The following PIGB variants were observed in gnomAD, a reference collection of about 807,000 sequenced individuals.
PIGB encodes the protein GPI alpha-1,2-mannosyltransferase 3.
Under a neutral mutation model 68.4 loss-of-function variants are expected in PIGB, and 58 were observed. The observed-to-expected ratio is 0.85, with a 90% CI of 0.69 to 1.06. The LOEUF (loss-of-function observed/expected upper bound fraction) is 1.06. PIGB is among the 50% of genes least tolerant of loss of function. PIGB has a pLI of 0.00. For missense variants in PIGB, 634 were observed against 655.8 expected (o/e 0.97, Z 0.36); for synonymous variants, 219 against 220.5 (o/e 0.99, Z 0.06).
intron 3 of PIGB, among the ~76,000 whole-genome samples, chr15:55,325,782 G>A (rs1301767870): frequency 6.6e-6 from 1 of 152,072 alleles, no homozygotes; most frequent in African/African-American, 2.4e-5. Flanking sequence ...CAGGCGTGGT[G>A]GCATGCATCT....
chr15:55,349,882 A>C (rs1159911398), intron 9 of PIGB: 1 of 152,228 alleles, frequency 6.6e-6, no homozygotes, highest in Non-Finnish European at 1.5e-5. Flanking sequence ...TCCAGTGGAA[A>C]GGCCTGTTCT....
intron 9 of PIGB, among the ~76,000 whole-genome samples, chr15:55,344,833 C>T (rs2055752213): frequency 6.6e-6 from 1 of 151,434 alleles, no homozygotes; most frequent in African/African-American, 2.4e-5. Flanking sequence ...GTTTTTACCA[C>T]AGTGGCTAAT....
chr15:55,355,265 T>TAAAC, intron 11 of PIGB, 21 bp from the exon 12 acceptor site: 1 of 1,583,586 alleles, frequency 6.3e-7, no homozygotes. Context: ...TTTATTTACT[T>TAAAC]AAACATTTAT....
At chr15:55,325,258 G>A (rs2055254583) in intron 3 of PIGB, among the ~76,000 whole-genome samples, 1 of 151,848 alleles carries the variant, frequency 6.6e-6, no homozygotes, top group Non-Finnish European at 1.5e-5. Context: ...CTTGGGAGGT[G>A]GAGGTTGCCA....
chr15:55,349,172 C>T lies in PIGB; in HGVS notation c.1124-1527C>T, dbSNP rs950808809. Among the ~76,000 whole-genome samples the T allele has an allele frequency of 1.3e-4, 19 of 149,286 alleles. 1 individual carries two copies. Among genetic ancestry groups the T allele is most frequent in the Admixed American group, 8.1e-4 (12 of 14,892 alleles). ...TACTGGGATTACAGGTGTGAGCTAC[C>T]GCACCTGGCCCTATTTTATTCATTT... is the stretch of plus-strand genomic sequence containing the variant. On this transcript the variant is annotated intron_variant, in intron 9 of 11. Transcript: ENST00000164305.
intron 6 of PIGB, among the ~76,000 whole-genome samples, chr15:55,337,066 T>C (rs1160866742): frequency 6.6e-6 from 1 of 152,162 alleles, no homozygotes; most frequent in Non-Finnish European, 1.5e-5. Context: ...ATAGAAAAAT[T>C]ATTGAAAAGG....
At position 55,333,973 on chromosome 15, in the gene PIGB, C is replaced by T. The variant is rs373271646; in HGVS notation, c.760C>T (p.Leu254Phe). The T allele has an allele frequency of 3.7e-6, 6 of 1,606,392 alleles. No individual in the cohort carries two copies. ...FRHFCQEPRK[L>F]DLILHHFLPV... ...ACATTTCTGTCAAGAACCAAGAAAG[C>T]TTGATCTTATTCTACATCATTTTTT... The change falls in exon 6 of 12, where the codon CTT becomes TTT. Residue 254 changes from leucine (L) to phenylalanine (F), a missense_variant. Physicochemically the swap from Leu to Phe is conservative, Grantham distance 22 (BLOSUM62 0). Transcript: ENST00000164305.
At chr15:55,351,248 C>T (rs2055915700) in intron 10 of PIGB, among the ~76,000 whole-genome samples, 1 of 151,646 alleles carries the variant, frequency 6.6e-6, no homozygotes, top group Non-Finnish European at 1.5e-5. Context: ...GCTGGGACCA[C>T]AGGTGCCTGC....
chr15:55,340,185 G>C (rs1234248079), intron 7 of PIGB: 1 of 152,834 alleles, frequency 6.5e-6, no homozygotes, highest in Non-Finnish European at 1.5e-5. Flanking sequence ...GGCCAGGCAT[G>C]GTGGCTCACA....
rs546620121 is a variant in PIGB, at chr15:55,319,607, A to C, written c.163+194A>C. ...TGTTGGCAACTAAATTCAATTTTTT[A>C]AAAAATACTCTGTATTTGGCCGACA... is the stretch of plus-strand genomic sequence containing the variant. On this transcript the variant is annotated intron_variant, in intron 1 of 11. Transcript: ENST00000164305. 1.1e-5 allele frequency: 6 copies of C among 525,328 alleles called. No homozygotes were observed. The South Asian group carries it at 1.7e-4, about 15-fold the overall frequency. 32.5% of individuals were successfully genotyped at this position (525,328 alleles called of 1,614,324 possible). A position where few individuals can be genotyped will look rare whatever the true frequency, so the allele number is the denominator to read the frequency against.
At chr15:55,334,558 T>C (rs1032282557) in intron 6 of PIGB, among the ~76,000 whole-genome samples, 1 of 152,204 alleles carries the variant, frequency 6.6e-6, no homozygotes, top group African/African-American at 2.4e-5. Flanking sequence ...AATTATTTAC[T>C]GAAGGGATGA....
At chr15:55,336,791 C>T (rs2055546409) in intron 6 of PIGB, among the ~76,000 whole-genome samples, 1 of 152,166 alleles carries the variant, frequency 6.6e-6, no homozygotes, top group South Asian at 2.1e-4. Context: ...AGTTCAAGAC[C>T]AGCCTGGCCA....
At position 55,339,487 on chromosome 15, in the gene PIGB, T is replaced by C. The variant is rs2055614060; in HGVS notation, c.846+169T>C. On this transcript the variant is annotated intron_variant, in intron 7 of 11. Coordinates refer to ENST00000164305, the MANE Select transcript of PIGB (RefSeq NM_004855.5). ...TGTTGTGCTTTCTACATAAAAGAATTAGTACTCCTAGCTAATATTCAGGAG... is the reference window on the plus strand; with the variant it reads ...TGTTGTGCTTTCTACATAAAAGAATCAGTACTCCTAGCTAATATTCAGGAG... Among the ~76,000 whole-genome samples the C allele has an allele frequency of 2.6e-5, 4 of 152,342 alleles. No individual in the cohort carries two copies. In the South Asian group the frequency reaches 8.3e-4, roughly 32 times the overall value.
intron 9 of PIGB, among the ~76,000 whole-genome samples, chr15:55,347,413 G>C (rs1032620670): frequency 1.3e-5 from 2 of 152,242 alleles, no homozygotes; most frequent in Non-Finnish European, 2.9e-5. Context: ...GGGCGAAAGA[G>C]CGAGAGTCCA....
At chr15:55,330,148 C>A (rs2055381774) in intron 5 of PIGB, among the ~76,000 whole-genome samples, 1 of 152,072 alleles carries the variant, frequency 6.6e-6, no homozygotes. Flanking sequence ...TCTCTAGGCC[C>A]CAAGGAGCAA....
chr15:55,321,308 T>C lies in PIGB; in HGVS notation c.335T>C (p.Leu112Pro). The change falls in exon 3 of 12, where the codon CTG (leucine) becomes CCG (proline). Residue 112 changes from leucine (L) to proline (P), a missense_variant. Leu to Pro is a moderately conservative substitution (Grantham distance 98). Coordinates refer to ENST00000164305, the MANE Select transcript of PIGB (RefSeq NM_004855.5). ...GYLTWEWTER[L>P]RSYTYPLIFA... is the part of the protein sequence containing the mutation. ...TTGACTTGGGAATGGACAGAGAGAC[T>C]GAGGAGTTACACTTATCCCTTAATC... 1.2e-6 allele frequency: 2 copies of C among 1,605,958 alleles called. No homozygotes were observed. Among genetic ancestry groups the C allele is most frequent in the Non-Finnish European group, 1.7e-6 (2 of 1,174,310 alleles).
At chr15:55,341,874 CTA>C in intron 9 of PIGB, 72 bp downstream of exon 9, 1 of 579,282 alleles carries the variant, frequency 1.7e-6, no homozygotes, top group Non-Finnish European at 2.8e-6. Flanking sequence ...CCTCATTAAA[CTA>C]TGTCTATTTT....
chr15:55,355,263 C>G lies in PIGB; in HGVS notation c.1519-23C>G, dbSNP rs760160969. 3.2e-6 allele frequency: 5 copies of G among 1,579,802 alleles called. No homozygotes were observed. The South Asian group carries it at 5.7e-5, about 18-fold the overall frequency. ...CTCAGCAAAATGTAGCCTTTATTTA[C>G]TTAAACATTTATTTGCTTCTAGGAA... On this transcript the variant is annotated intron_variant, in intron 11 of 11. Coordinates refer to ENST00000164305, the MANE Select transcript of PIGB (RefSeq NM_004855.5).
At chr15:55,348,158 T>A (rs1017362823) in intron 9 of PIGB, among the ~76,000 whole-genome samples, 1 of 152,148 alleles carries the variant, frequency 6.6e-6, no homozygotes, top group African/African-American at 2.4e-5. Flanking sequence ...AGCTAATTTT[T>A]GTATTTTTAG....
Sources: allele counts gnomAD v4.1 joint callset (sites outside exome capture counted in the v4.1 genomes callset), GRCh38; gene constraint gnomAD v4.1.1; transcripts MANE v1.5; gene names NCBI Gene and HGNC (gene_info 2026-07-23, HGNC 2026-07-21).